The following ZP3 variants were observed in gnomAD, a reference collection of about 807,000 sequenced individuals.
ZP3 encodes the protein zona pellucida sperm-binding protein 3.
A neutral mutation model predicts 35.6 loss-of-function variants in ZP3; 21 were observed. The observed-to-expected ratio is 0.59, with a 90% CI of 0.42 to 0.85. ZP3 has a LOEUF of 0.85. Among genes scored for constraint, ZP3 ranks in the 40% least tolerant of loss-of-function variants. The pLI, the probability that ZP3 is intolerant of heterozygous loss-of-function variation, is 0.00. For missense variants in ZP3, 437 were observed against 536.5 expected (o/e 0.81, Z 1.83); for synonymous variants, 207 against 214.5 (o/e 0.96, Z 0.31).
chr7:76,425,032 A>C lies in ZP3; in HGVS notation c.68A>C (p.Gln23Pro). The C allele has an allele frequency of 3.1e-6, 5 of 1,598,090 alleles. No individual in the cohort carries two copies. Among genetic ancestry groups the C allele is most frequent in the South Asian group, 1.1e-5 (1 of 89,216 alleles). The change falls in exon 1 of 8, where the codon CAA becomes CCA. Residue 23 changes from glutamine to proline, a missense_variant. This residue lies in a region of ZP3 where 352 missense variants were observed against 308.4 expected (regional missense o/e 1.14). Transcript: ENST00000394857. ...LWGSTELCYP[Q>P]PLWLLQGGAS... is the part of the protein sequence containing the mutation. ...GGTAGTACTGAGCTGTGCTACCCCC[A>C]ACCCCTCTGGCTCTTGCAGGGTGGA...
chr7:76,437,497 T>G (rs75550737), intron 5 of ZP3, among the ~76,000 whole-genome samples: 540 of 148,788 alleles, frequency 3.6e-3, no homozygotes, highest in African/African-American at 0.013. Context: ...TGTTTTTTTT[T>G]GGGGGGAAAT....
intron 5 of ZP3, among the ~76,000 whole-genome samples, chr7:76,436,580 AAC>A (rs1806021452): frequency 6.6e-6 from 1 of 152,212 alleles, no homozygotes; most frequent in African/African-American, 2.4e-5. Context: ...GAGAAAGATC[AAC>A]ACACAGATCA....
At chr7:76,397,859 G>T (rs763337831) in intron 1 of ZP3, 2 of 1,501,640 alleles carry the variant, frequency 1.3e-6, no homozygotes, top group South Asian at 1.3e-5. Context: ...GGGTCAGGGC[G>T]CATCTCCCAC....
At chr7:76,398,107 G>GC (rs1804700364) in intron 1 of ZP3, among the ~76,000 whole-genome samples, 1 of 152,052 alleles carries the variant, frequency 6.6e-6, no homozygotes, top group South Asian at 2.1e-4. Flanking sequence ...TCAAGATACA[G>GC]CCCCACACCT....
chr7:76,404,239 A>G, intron 1 of ZP3: 1 of 1,465,724 alleles, frequency 6.8e-7, no homozygotes, highest in Non-Finnish European at 9.0e-7. Flanking sequence ...CTCCTACTAT[A>G]AAGTTACAGC....
Position 76,429,447 on chromosome 7 carries a change from T to C in ZP3, c.313-68T>C, listed in dbSNP as rs1462231494. The C allele has an allele frequency of 3.3e-6, 5 of 1,494,122 alleles. No homozygotes were observed. The African/African-American group carries it at 5.5e-5, about 17-fold the overall frequency. The allele number at this position is 1,494,122 out of a possible 1,614,324, so 92.6% of individuals were successfully genotyped here. ...CTTGTGGGCTGCCCTCCCTGAGCACTCAGGTATGGCTTGGGAGTACCCGGG... is the reference window on the plus strand; with the variant it reads ...CTTGTGGGCTGCCCTCCCTGAGCACCCAGGTATGGCTTGGGAGTACCCGGG... On this transcript the variant is annotated intron_variant, in intron 1 of 7. Transcript: ENST00000394857.
chr7:76,408,011 C>A (rs922554148), intron 1 of ZP3, among the ~76,000 whole-genome samples: 83 of 152,260 alleles, frequency 5.5e-4, no homozygotes, highest in African/African-American at 1.8e-3. Context: ...CAGGACTGGG[C>A]TACTCTTGGT....
At chr7:76,436,057 T>C (rs1346536399) in intron 5 of ZP3, among the ~76,000 whole-genome samples, 19 of 78,630 alleles carry the variant, frequency 2.4e-4, no homozygotes, top group African/African-American at 1.1e-3. Context: ...TTTTTTTTTT[T>C]TTTTTTTTTT....
chr7:76,435,018 G>C (rs1169766939), intron 5 of ZP3, among the ~76,000 whole-genome samples: 1 of 152,216 alleles, frequency 6.6e-6, no homozygotes, highest in East Asian at 1.9e-4. Flanking sequence ...GCAGGTGCAA[G>C]GACCAACATC....
intron 1 of ZP3, among the ~76,000 whole-genome samples, chr7:76,401,880 G>A (rs760026088): frequency 3.3e-4 from 50 of 152,186 alleles, no homozygotes; most frequent in Non-Finnish European, 6.0e-4. Flanking sequence ...TCTCAACTCT[G>A]TGTCCCCAGA....
At chr7:76,424,885 C>A (rs1805599884), upstream of ZP3, 6 of 1,361,340 alleles carry the variant, frequency 4.4e-6, no homozygotes, top group Non-Finnish European at 5.8e-6. Context: ...AGCTGAGAAG[C>A]TGAGAGCCCA....
At chr7:76,406,516 C>G (rs929751072) in intron 1 of ZP3, among the ~76,000 whole-genome samples, 2 of 151,878 alleles carry the variant, frequency 1.3e-5, no homozygotes, top group African/African-American at 4.8e-5. Flanking sequence ...TAGGGTCTCA[C>G]TCTGTCACCC....
chr7:76,405,518 CAT>C (rs1380487126), intron 1 of ZP3, among the ~76,000 whole-genome samples: 2 of 150,006 alleles, frequency 1.3e-5, no homozygotes, highest in Non-Finnish European at 3.0e-5. Flanking sequence ...TATGGTGACA[CAT>C]GTCTGTAGCT....
intron 1 of ZP3, among the ~76,000 whole-genome samples, chr7:76,414,106 C>T (rs987469733): frequency 6.6e-6 from 1 of 151,332 alleles, no homozygotes; most frequent in Non-Finnish European, 1.5e-5. Flanking sequence ...AAGTGATTCT[C>T]ATGCCTCAGC....
chr7:76,420,785 G>A (rs118061646), upstream of ZP3, among the ~76,000 whole-genome samples: 3,558 of 152,110 alleles, frequency 0.023, 91 homozygotes, highest in East Asian at 0.12. Context: ...TAAGAAACCT[G>A]TTTACCTTTT....
At chr7:76,432,807 A>G (rs1805870691) in intron 2 of ZP3, 120 bp from the exon 3 acceptor site, 2 of 760,072 alleles carry the variant, frequency 2.6e-6, no homozygotes, top group Non-Finnish European at 4.3e-6. Context: ...CGCACCAGCT[A>G]CCTGGCTGGG....
chr7:76,437,804 C>G (rs1806069555), intron 5 of ZP3, among the ~76,000 whole-genome samples: 1 of 151,996 alleles, frequency 6.6e-6, no homozygotes, highest in African/African-American at 2.4e-5. Flanking sequence ...CAGCCTAGAC[C>G]CTGCTTCTAA....
chr7:76,433,378 C>G, intron 3 of ZP3, 92 bp from the exon 4 acceptor site: 1 of 1,420,990 alleles, frequency 7.0e-7, no homozygotes, highest in Non-Finnish European at 9.6e-7. Flanking sequence ...TGGTCTCGAA[C>G]TCCTGACCTC....
At chr7:76,402,182 A>ATTTTTTTT (rs57389874) in intron 1 of ZP3, among the ~76,000 whole-genome samples, 2 of 127,234 alleles carry the variant, frequency 1.6e-5, no homozygotes, top group African/African-American at 5.8e-5. Context: ...CTGCCCAGCT[A>ATTTTTTTT]TTTTTTTTTT....
Sources: allele counts gnomAD v4.1 joint callset (sites outside exome capture counted in the v4.1 genomes callset), GRCh38; gene constraint gnomAD v4.1.1; regional missense constraint gnomAD v4.1.1; transcripts MANE v1.5; gene names NCBI Gene and HGNC (gene_info 2026-07-23, HGNC 2026-07-21).